HTT: variants seen among roughly 807,000 people sequenced by gnomAD.
HTT encodes huntington disease protein.
A neutral mutation model predicts 362.3 loss-of-function variants in HTT; 104 were observed. The observed-to-expected ratio is 0.29, with a 90% CI of 0.24 to 0.34. The LOEUF (loss-of-function observed/expected upper bound fraction) is 0.34. Ranked by LOEUF, HTT falls within the 10% of genes least tolerant of loss-of-function variation. The probability of loss-of-function intolerance (pLI) is 1.00; values close to 1 mark genes in which losing one functional copy is unlikely to be tolerated. For synonymous variants in HTT, 1,577 were observed against 1,548.7 expected (o/e 1.02, Z -0.43); for missense variants, 3,301 against 3,928.6 (o/e 0.84, Z 4.27).
chr4:3,182,587 G>T, intron 37 of HTT, 117 bp downstream of exon 37: 1 of 700,070 alleles, frequency 1.4e-6, no homozygotes. Context: ...CTTGATAGCA[G>T]TTCTCCGTGC....
In HTT at chr4:3,209,686, A is replaced by G. The variant is rs1720047808; in HGVS notation, c.6292-141A>G. On this transcript the variant is annotated intron_variant, in intron 46 of 66. Coordinates refer to ENST00000355072, the MANE Select transcript of HTT (RefSeq NM_001388492.1). Reference sequence around the variant, plus strand: ...GAAAACCTGTGGTGTGGTGAGCCGTATAGCCACAGCCTGCCGGCCGGCAGC... The same window carrying G: ...GAAAACCTGTGGTGTGGTGAGCCGTGTAGCCACAGCCTGCCGGCCGGCAGC... 3.1e-6 allele frequency: 3 copies of G among 969,042 alleles called. No individual in the cohort carries two copies. In the South Asian group the frequency reaches 4.6e-5, roughly 15 times the overall value. The allele number at this position is 969,042 out of a possible 1,614,324, so 60.0% of individuals were successfully genotyped here. A position where few individuals can be genotyped will look rare whatever the true frequency, so the allele number is the denominator to read the frequency against.
Position 3,206,583 on chromosome 4 carries a change from G to A in HTT, c.5806G>A (p.Val1936Ile), listed in dbSNP as rs756492388. The change falls in exon 43 of 67, where the codon GTA (valine) becomes ATA (isoleucine). Residue 1936 changes from valine (V) to isoleucine (I), a missense_variant. Coordinates refer to ENST00000355072, the MANE Select transcript of HTT (RefSeq NM_001388492.1). The surrounding 1 kb of genome is among the most constrained non-coding windows in gnomAD (Gnocchi z 4.6). The stretch of plus-strand genomic sequence containing the variant: ...GATCAGCCTTTCCCACGAGCCTCCA[G>A]TACAGGACTTCATCAGTGCCGTTCA... ...DLISLSHEPP[V>I]QDFISAVHRN... 1.9e-6 allele frequency: 3 copies of A among 1,614,010 alleles called. No individual in the cohort carries two copies. The highest frequency in any genetic ancestry group is 1.7e-6 in the Non-Finnish European group (2 of 1,180,010).
At chr4:3,105,774 A>T (rs1207412692) in intron 5 of HTT, among the ~76,000 whole-genome samples, 1 of 152,316 alleles carries the variant, frequency 6.6e-6, no homozygotes, top group Middle Eastern at 3.4e-3. Flanking sequence ...TACTTGCCAA[A>T]TTGTTGAAGG....
chr4:3,187,014 A>T (rs1718795878), intron 38 of HTT, among the ~76,000 whole-genome samples: 1 of 148,468 alleles, frequency 6.7e-6, no homozygotes, highest in African/African-American at 2.5e-5. Context: ...GCCCACCACC[A>T]CGCCCGGCTA....
rs182597645 is a variant in HTT at position 3,198,359 on chromosome 4, G to A, written c.5369-1373G>A. On this transcript the variant is annotated intron_variant, in intron 40 of 66. Coordinates refer to ENST00000355072, the MANE Select transcript of HTT (RefSeq NM_001388492.1). ...TGTGCTCCCGCCTCCCAAATACCTG[G>A]GATTACAGGCACCCGCCACCACACT... Among the ~76,000 whole-genome samples, 642 of 151,572 alleles carry A rather than the reference G, an allele frequency of 4.2e-3. 2 individuals carry two copies. Among genetic ancestry groups the A allele is most frequent in the Middle Eastern group, 6.8e-3 (2 of 292 alleles).
rs199977680 is a variant in HTT, at chr4:3,134,411, T to C, written c.2504T>C (p.Met835Thr). ...LACTAVRNCV[M>T]SLCSSSYSEL... ...GACCTTGTGTTCCAGAACTGTGTCA[T>C]GAGTCTCTGCAGCAGCAGCTACAGT... The change falls in exon 19 of 67, where the codon ATG (methionine) becomes ACG (threonine). Residue 835 changes from methionine to threonine, a missense_variant. Met to Thr is a moderately conservative substitution (Grantham distance 81). Around this residue, in one of 4 missense-constraint regions of HTT, gnomAD observed 2,316 missense variants for 2,658.5 expected, o/e 0.87. Transcript: ENST00000355072. 81 of 1,613,738 alleles carry C rather than the reference T, an allele frequency of 5.0e-5. 1 individual carries two copies. The highest frequency in any genetic ancestry group is 5.3e-5 in the African/African-American group (4 of 74,932).
At chr4:3,152,068 C>T (rs1346443782) in intron 26 of HTT, among the ~76,000 whole-genome samples, 1 of 151,484 alleles carries the variant, frequency 6.6e-6, no homozygotes, top group Non-Finnish European at 1.5e-5. Context: ...GTTGGGACTA[C>T]AGGCATACCC....
In HTT at chr4:3,087,013, A is replaced by T; in HGVS notation, c.338A>T (p.Gln113Leu). The change falls in exon 2 of 67, where the codon CAG becomes CTG. Residue 113 changes from glutamine to leucine, a missense_variant. This residue lies in a region of HTT where 2,316 missense variants were observed against 2,658.5 expected (regional missense o/e 0.87). Coordinates refer to ENST00000355072, the MANE Select transcript of HTT (RefSeq NM_001388492.1). Reference sequence around the variant, plus strand: ...ACAATATGTGAAAACATAGTGGCACAGTCTGTCAGGTAATTGCACTTTGAA... The same window carrying T: ...ACAATATGTGAAAACATAGTGGCACTGTCTGTCAGGTAATTGCACTTTGAA... ...CLTICENIVA[Q>L]SVRNSPEFQK... 6.3e-7 allele frequency: 1 copy of T among 1,590,922 alleles called. No individual in the cohort carries two copies. The highest frequency in any genetic ancestry group is 8.6e-7 in the Non-Finnish European group (1 of 1,159,286).
chr4:3,142,164 T>C (rs1324108506), intron 22 of HTT, among the ~76,000 whole-genome samples: 2 of 152,232 alleles, frequency 1.3e-5, no homozygotes, highest in Non-Finnish European at 1.5e-5. Context: ...CAGAGTGTGC[T>C]GCTTAGCTGC....
At chr4:3,171,395 TGCA>T (rs1290418436) in intron 29 of HTT, among the ~76,000 whole-genome samples, 3 of 151,864 alleles carry the variant, frequency 2.0e-5, no homozygotes, top group Admixed American at 6.6e-5. Context: ...AAACAGGCTG[TGCA>T]TTCTGAATGC....
intron 1 of HTT, among the ~76,000 whole-genome samples, chr4:3,078,627 A>G (rs1203285970): frequency 3.3e-5 from 5 of 151,770 alleles, no homozygotes; most frequent in Admixed American, 1.3e-4. Context: ...GGAGTGCACT[A>G]GTGTGATCTT....
At chr4:3,169,053 C>T (rs1298959908) in intron 29 of HTT, among the ~76,000 whole-genome samples, 15 of 140,360 alleles carry the variant, frequency 1.1e-4, no homozygotes, top group African/African-American at 4.7e-4. Flanking sequence ...GTGTCTCGCT[C>T]TGTCGCCTGC....
intron 20 of HTT, 108 bp from the exon 21 acceptor site, chr4:3,136,118 T>C: frequency 1.1e-6 from 1 of 902,730 alleles, no homozygotes; most frequent in Non-Finnish European, 1.7e-6. Context: ...TCATATGGAT[T>C]TAAGTCTAGT....
rs775655404 is a variant in HTT, at chr4:3,207,320, A to G, written c.6115A>G (p.Ile2039Val). 6.2e-7 allele frequency: 1 copy of G among 1,613,936 alleles called. No homozygotes were observed. Among genetic ancestry groups the G allele is most frequent in the Admixed American group, 1.7e-5 (1 of 59,998 alleles). The change falls in exon 45 of 67, where the codon ATC becomes GTC. Residue 2039 changes from isoleucine (I) to valine (V), a missense_variant. By Grantham distance (29) the Ile-to-Val change is conservative (BLOSUM62 3). Around this residue, in one of 4 missense-constraint regions of HTT, gnomAD observed 2,316 missense variants for 2,658.5 expected, o/e 0.87. Transcript: ENST00000355072. ...AQLPMEELNRIQEYLQSSGLA... is the reference protein window; with the variant it reads ...AQLPMEELNRVQEYLQSSGLA... ...GTTGCCAATGGAAGAACTCAACAGA[A>G]TCCAGGAATACCTTCAGAGCAGCGG...
rs752618946 is a variant in HTT, at chr4:3,240,228, T to C, written c.*169T>C. 2.6e-5 allele frequency: 16 copies of C among 626,398 alleles called. No individual in the cohort carries two copies. Among genetic ancestry groups the C allele is most frequent in the Non-Finnish European group, 4.5e-5 (16 of 356,876 alleles). 38.8% of individuals were successfully genotyped at this position (626,398 alleles called of 1,614,324 possible). A position where few individuals can be genotyped will look rare whatever the true frequency, so the allele number is the denominator to read the frequency against. ...TCTGCCATGTGGCAGAAGTGCTCTT[T>C]GTGGCAGTGGCCAGGCAGGGAGTGT... On this transcript the variant is annotated 3_prime_UTR_variant, in exon 67 of 67. Coordinates refer to ENST00000355072, the MANE Select transcript of HTT (RefSeq NM_001388492.1).
intron 57 of HTT, among the ~76,000 whole-genome samples, chr4:3,226,836 C>T (rs1035202640): frequency 2.6e-5 from 4 of 152,238 alleles, no homozygotes; most frequent in African/African-American, 9.6e-5. Flanking sequence ...TGTTTTGTGC[C>T]TGCCGGTTTC....
At chr4:3,081,550 C>CTTTTTTTTT (rs770325842) in intron 1 of HTT, among the ~76,000 whole-genome samples, 2 of 84,526 alleles carry the variant, frequency 2.4e-5, no homozygotes, top group Non-Finnish European at 2.3e-5. Flanking sequence ...GAAAGCATTT[C>CTTTTTTTTT]TTTTTTTTTT....
chr4:3,189,076 T>A lies in HTT; in HGVS notation c.5351T>A (p.Ile1784Asn), dbSNP rs1718900963. The A allele has an allele frequency of 6.2e-7, 1 of 1,614,050 alleles. No homozygotes were observed. The highest frequency in any genetic ancestry group is 1.3e-5 in the African/African-American group (1 of 74,930). Reference sequence around the variant, plus strand: ...CTAGGCACACTGCTAATGTGTCTGATCCACATCTTCAAGTCTGGTAGGTGA... The same window carrying A: ...CTAGGCACACTGCTAATGTGTCTGAACCACATCTTCAAGTCTGGTAGGTGA... ...QELGTLLMCL[I>N]HIFKSGMFRR... is the part of the protein sequence containing the mutation. Residue 1784 changes from isoleucine to asparagine, a missense_variant, in exon 40 of 67, where the codon ATC becomes AAC. By Grantham distance (149) the Ile-to-Asn change is moderately radical. Around this residue, in one of 4 missense-constraint regions of HTT, gnomAD observed 2,316 missense variants for 2,658.5 expected, o/e 0.87. Coordinates refer to ENST00000355072, the MANE Select transcript of HTT (RefSeq NM_001388492.1).
At position 3,235,364 on chromosome 4, in the gene HTT, A is replaced by G; in HGVS notation, c.8537A>G (p.Asp2846Gly). ...TACCTCATTGAGAACTATCCTCTGG[A>G]CGTAGGGCCGGAATTTTCAGCATCA... ...AFYLIENYPLDVGPEFSASII... is the reference protein window; with the variant it reads ...AFYLIENYPLGVGPEFSASII... The change falls in exon 62 of 67, where the codon GAC (aspartate) becomes GGC (glycine). Residue 2846 changes from aspartate (D) to glycine (G), a missense_variant. Transcript: ENST00000355072. 1 of 1,613,522 alleles carries G rather than the reference A, an allele frequency of 6.2e-7. No individual in the cohort carries two copies. The highest frequency in any genetic ancestry group is 8.5e-7 in the Non-Finnish European group (1 of 1,179,464).
Sources: gnomAD v4.1 joint callset for allele counts (sites outside exome capture counted in the v4.1 genomes callset) on GRCh38, gnomAD v4.1.1 for gene constraint, gnomAD v4.1.1 regional missense constraint, Gnocchi (gnomAD v3.1) non-coding constraint, MANE v1.5 for transcripts, NCBI Gene and HGNC (gene_info 2026-07-23, HGNC 2026-07-21) for gene names.